The following NUP155 variants were observed in gnomAD, a reference collection of about 807,000 sequenced individuals.
NUP155 encodes nucleoporin 155.
NUP155 carries 71 observed loss-of-function variants against 180.4 expected under a neutral mutation model. That is an observed-to-expected ratio of 0.39 (90% CI 0.33 to 0.48). NUP155 has a LOEUF of 0.48. Among genes scored for constraint, NUP155 ranks in the 20% least tolerant of loss-of-function variants. The probability of loss-of-function intolerance (pLI) is 0.91; values close to 1 mark genes in which losing one functional copy is unlikely to be tolerated. For missense variants in NUP155, 1,553 were observed against 1,648.9 expected (o/e 0.94, Z 1.01); for synonymous variants, 582 against 559.5 (o/e 1.04, Z -0.57).
At chr5:37,303,559 TAA>T (rs1363416310) in intron 27 of NUP155, 145 bp from the exon 28 acceptor site, 1 of 696,072 alleles carries the variant, frequency 1.4e-6, no homozygotes, top group Non-Finnish European at 2.4e-6. Context: ...TACTAACAGA[TAA>T]AAGAGAGGGC....
chr5:37,359,348 A>G (rs756515607), intron 3 of NUP155, among the ~76,000 whole-genome samples: 3 of 152,056 alleles, frequency 2.0e-5, no homozygotes, highest in Admixed American at 6.6e-5. Flanking sequence ...AAACATCTCC[A>G]CAACAGGGCT....
At position 37,307,216 on chromosome 5, in the gene NUP155, TAAAAC is replaced by T; in HGVS notation, c.2903+76_2903+80del. ...CTGTCTCAAAAAAAAAAAAAAAACATAAAACAAAAAACAAAAAACATTATGCAAAG... is the reference window on the plus strand; with the variant it reads ...CTGTCTCAAAAAAAAAAAAAAAACATAAAAAACAAAAAACATTATGCAAAG... On this transcript the variant is annotated intron_variant, in intron 25 of 34. Coordinates refer to ENST00000231498, the MANE Select transcript of NUP155 (RefSeq NM_153485.3). The T allele has an allele frequency of 2.4e-6, 3 of 1,234,192 alleles. No homozygotes were observed. The East Asian group carries it at 7.4e-5, about 31-fold the overall frequency. 76.5% of individuals were successfully genotyped at this position (1,234,192 alleles called of 1,614,324 possible).
Position 37,364,399 on chromosome 5 carries a change from T to C in NUP155, c.158-15A>G, listed in dbSNP as rs1471127057. Reference sequence around the variant, plus strand: ...GGTGGGATTATCTACAAAAAGAAAATGAAGTATTTATAATAATGTACTGCT... The same window carrying C: ...GGTGGGATTATCTACAAAAAGAAAACGAAGTATTTATAATAATGTACTGCT... On this transcript the variant is annotated splice_polypyrimidine_tract_variant and intron_variant, in intron 1 of 34. Coordinates refer to ENST00000231498, the MANE Select transcript of NUP155 (RefSeq NM_153485.3). The C allele has an allele frequency of 4.3e-6, 7 of 1,609,368 alleles. No homozygotes were observed. Among genetic ancestry groups the C allele is most frequent in the Non-Finnish European group, 6.0e-6 (7 of 1,176,056 alleles).
intron 2 of NUP155, 65 bp downstream of exon 2, chr5:37,364,182 A>G: frequency 1.5e-6 from 2 of 1,334,830 alleles, no homozygotes; most frequent in South Asian, 1.2e-5. Context: ...ACATAGAACA[A>G]GAATTATAAG....
intron 32 of NUP155, 87 bp downstream of exon 32, chr5:37,298,781 T>C (rs1742714444): frequency 5.2e-6 from 4 of 773,028 alleles, no homozygotes; most frequent in Admixed American, 2.0e-5. Context: ...ACTCTTTATT[T>C]TACTCGAAAG....
At chr5:37,331,573 T>A (rs1439190057) in intron 14 of NUP155, 112 bp downstream of exon 14, 2 of 527,460 alleles carry the variant, frequency 3.8e-6, no homozygotes, top group Non-Finnish European at 6.3e-6. Flanking sequence ...AAACTCCATC[T>A]CAAAATATAT....
chr5:37,369,853 G>A (rs1747845770), intron 1 of NUP155, among the ~76,000 whole-genome samples: 1 of 152,146 alleles, frequency 6.6e-6, no homozygotes, highest in South Asian at 2.1e-4. Flanking sequence ...TCACAAAGGG[G>A]TCACTTTTTC....
rs138404224 is a variant in NUP155 at position 37,353,062 on chromosome 5, C to A, written c.464-233G>T. Among the ~76,000 whole-genome samples, 538 of 151,950 alleles carry A rather than the reference C, an allele frequency of 3.5e-3. 3 individuals carry two copies. The highest frequency in any genetic ancestry group is 0.012 in the African/African-American group (516 of 41,430). On this transcript the variant is annotated intron_variant, in intron 4 of 34. Coordinates refer to ENST00000231498, the MANE Select transcript of NUP155 (RefSeq NM_153485.3). ...AAAAGTTAATAGCAGTGGAAAAGAA[C>A]CACCTTAGAAAACAATCACTTCAGT...
intron 25 of NUP155, among the ~76,000 whole-genome samples, chr5:37,306,275 CTG>C (rs1258984946): frequency 6.6e-6 from 1 of 151,960 alleles, no homozygotes. Flanking sequence ...TGACATGTGC[CTG>C]TAGTCCCAGC....
At position 37,296,386 on chromosome 5, in the gene NUP155, T is replaced by A. The variant is rs551911153; in HGVS notation, c.3794-1921A>T. ...TGATCTGTGACCTTACCCCCAACCC[T>A]GTGCTCTCTGAAACATGTGCTGTGT... On this transcript the variant is annotated intron_variant, in intron 32 of 34. Coordinates refer to ENST00000231498, the MANE Select transcript of NUP155 (RefSeq NM_153485.3). Among the ~76,000 whole-genome samples, 76 of 152,158 alleles carry A rather than the reference T, an allele frequency of 5.0e-4. 1 individual carries two copies. In the East Asian group the frequency reaches 0.014, roughly 28 times the overall value.
intron 32 of NUP155, 73 bp downstream of exon 32, chr5:37,298,795 G>T: frequency 1.2e-6 from 1 of 820,388 alleles, no homozygotes; most frequent in Non-Finnish European, 2.1e-6. Context: ...TCGAAAGATC[G>T]TTATTTGTCC....
chr5:37,326,025 A>C (rs1222853753), intron 18 of NUP155, 58 bp from the exon 19 acceptor site: 1 of 1,211,230 alleles, frequency 8.3e-7, no homozygotes, highest in Non-Finnish European at 1.2e-6. Flanking sequence ...AATTACAATA[A>C]ATTTCTTTCT....
At chr5:37,292,774 T>C (rs1174746050) in intron 34 of NUP155, 105 bp downstream of exon 34, 7 of 743,348 alleles carry the variant, frequency 9.4e-6, no homozygotes, top group Non-Finnish European at 1.7e-5. Context: ...TAGTTATTGC[T>C]AATATACACA....
intron 24 of NUP155, among the ~76,000 whole-genome samples, chr5:37,308,554 C>T (rs796754530): frequency 5.9e-5 from 9 of 151,916 alleles, no homozygotes; most frequent in African/African-American, 1.9e-4. Flanking sequence ...AAAAATTAGC[C>T]GGGCATGGTG....
rs1403169370 is a variant in NUP155 at position 37,365,752 on chromosome 5, T to TATACACACAC, written c.158-1369_158-1368insGTGTGTGTAT. Reference sequence around the variant, plus strand: ...AAAAAAAAAAAAATATATATATATATACACACACACACACACACACACACA... The same window carrying TATACACACAC: ...AAAAAAAAAAAAATATATATATATATATACACACACACACACACACACACACACACACACA... On this transcript the variant is annotated intron_variant, in intron 1 of 34. Coordinates refer to ENST00000231498, the MANE Select transcript of NUP155 (RefSeq NM_153485.3). Among the ~76,000 whole-genome samples the TATACACACAC allele has an allele frequency of 2.0e-3, 77 of 37,880 alleles. 1 individual carries two copies. Among genetic ancestry groups the TATACACACAC allele is most frequent in the Admixed American group, 3.1e-3 (6 of 1,916 alleles). 24.9% of individuals were successfully genotyped at this position (37,880 alleles called of 152,430 possible). A position where few individuals can be genotyped will look rare whatever the true frequency, so the allele number is the denominator to read the frequency against.
At position 37,330,071 on chromosome 5, in the gene NUP155, T is replaced by G; in HGVS notation, c.1691A>C (p.Glu564Ala). The change falls in exon 15 of 35, where the codon GAA becomes GCA. Residue 564 changes from glutamate to alanine, a missense_variant. By Grantham distance (107) the Glu-to-Ala change is moderately radical (BLOSUM62 -1). Coordinates refer to ENST00000231498, the MANE Select transcript of NUP155 (RefSeq NM_153485.3). Reference protein sequence around the residue: ...LACSTAACDREVSAWATRAFF... With the variant: ...LACSTAACDRAVSAWATRAFF... ...AGCCCGAGTAGCCCAGGCAGATACT[T>G]CTCTATCACAGGCAGCAGTGGAGCA... 6.2e-7 allele frequency: 1 copy of G among 1,613,720 alleles called. No homozygotes were observed. Among genetic ancestry groups the G allele is most frequent in the South Asian group, 1.1e-5 (1 of 91,010 alleles).
At chr5:37,343,178 C>T (rs1745851806) in intron 9 of NUP155, among the ~76,000 whole-genome samples, 1 of 151,748 alleles carries the variant, frequency 6.6e-6, no homozygotes, top group African/African-American at 2.4e-5. Flanking sequence ...AGGTTCACGC[C>T]ATTCTCCTGC....
chr5:37,337,822 G>A lies in NUP155; in HGVS notation c.1343C>T (p.Thr448Ile), dbSNP rs142334950. 7.6e-6 allele frequency: 12 copies of A among 1,588,234 alleles called. No homozygotes were observed. The East Asian group carries it at 1.1e-4, about 15-fold the overall frequency. ...AGAATTGTCAGGATAACTTACCTGG[G>A]TTTCCATCATTGGCTTTTGGAAAGG... ...TFPFQKPMME[T>I]QMTAGVDGHS... The change falls in exon 12 of 35, where the codon ACC (threonine) becomes ATC (isoleucine). Residue 448 changes from threonine (T) to isoleucine (I), a missense_variant. Transcript: ENST00000231498.
intron 32 of NUP155, among the ~76,000 whole-genome samples, chr5:37,297,898 C>T (rs1166109261): frequency 6.9e-6 from 1 of 145,290 alleles, no homozygotes; most frequent in African/African-American, 2.6e-5. Context: ...GACCCTAAGT[C>T]AGAGATGGTC....
Sources: gnomAD v4.1 joint callset for allele counts (sites outside exome capture counted in the v4.1 genomes callset) on GRCh38, gnomAD v4.1.1 for gene constraint, MANE v1.5 for transcripts, NCBI Gene and HGNC (gene_info 2026-07-23, HGNC 2026-07-21) for gene names.